DPH6: variants seen among roughly 807,000 people sequenced by gnomAD.
DPH6 encodes diphthine--ammonia ligase.
A neutral mutation model predicts 38.2 loss-of-function variants in DPH6; 33 were observed. The observed-to-expected ratio is 0.86, with a 90% confidence interval of 0.65 to 1.15. The LOEUF (loss-of-function observed/expected upper bound fraction) is 1.15, where lower values mean the gene tolerates loss of function less well. DPH6 is among the 50% of genes most tolerant of loss of function. The pLI is 0.00. For missense variants in DPH6, 325 were observed against 320.0 expected (o/e 1.02, Z -0.12); for synonymous variants, 108 against 103.0 (o/e 1.05, Z -0.30).
At position 35,263,993 on chromosome 15, in the gene DPH6, G is replaced by T. The variant is rs537769255; in HGVS notation, n.201-43411C>A. 9.2e-5 allele frequency among the ~76,000 whole-genome samples: 14 copies of T among 152,098 alleles called. No individual in the cohort carries two copies. In the East Asian group the frequency reaches 2.7e-3, roughly 29 times the overall value. ...CTCACAAAGTGCTAGGATTACAGGC[G>T]TGAGCCACCGCGCCCAACATAGTTT... On this transcript the variant is annotated intron_variant and non_coding_transcript_variant, in intron 3 of 3. Transcript: ENST00000560386.
chr15:35,209,521 A>C, the DPH6 span, among the ~76,000 whole-genome samples: 1 of 152,192 alleles, frequency 6.6e-6, no homozygotes, highest in South Asian at 2.1e-4. Context: ...GTCCTTTTTA[A>C]ATGTTCTTGG....
chr15:35,270,797 A>T (rs1178882830), intron 3 of DPH6, among the ~76,000 whole-genome samples: 2 of 152,270 alleles, frequency 1.3e-5, no homozygotes, highest in African/African-American at 2.4e-5. Flanking sequence ...AAATGAGAAG[A>T]AAGCCAATTG....
At chr15:35,272,720 C>A (rs1489586544) in intron 3 of DPH6, among the ~76,000 whole-genome samples, 1 of 151,988 alleles carries the variant, frequency 6.6e-6, no homozygotes, top group African/African-American at 2.4e-5. Flanking sequence ...ACCAGCCTGG[C>A]CAACATGGTG....
chr15:35,533,015 G>T (rs144198937), intron 3 of DPH6, among the ~76,000 whole-genome samples: 1 of 151,852 alleles, frequency 6.6e-6, no homozygotes, highest in Non-Finnish European at 1.5e-5. Flanking sequence ...GCTGAAGCAG[G>T]AGAATTGCTT....
intron 3 of DPH6, among the ~76,000 whole-genome samples, chr15:35,531,910 C>A (rs945273543): frequency 6.6e-6 from 1 of 152,130 alleles, no homozygotes; most frequent in Non-Finnish European, 1.5e-5. Flanking sequence ...TGAGGTCTCA[C>A]AATCTAGCAA....
chr15:35,483,981 T>C (rs1285000005), intron 3 of DPH6, among the ~76,000 whole-genome samples: 1 of 152,080 alleles, frequency 6.6e-6, no homozygotes, highest in African/African-American at 2.4e-5. Context: ...AAGAAGCAAA[T>C]CTACAGACTT....
chr15:35,544,345 G>A (rs2055310149), intron 1 of DPH6, among the ~76,000 whole-genome samples: 1 of 150,260 alleles, frequency 6.7e-6, no homozygotes, highest in African/African-American at 2.4e-5. Flanking sequence ...ACACACTGGG[G>A]CCTGTGGGGG....
At chr15:35,149,900 T>C in the DPH6 span, among the ~76,000 whole-genome samples, 1 of 152,322 alleles carries the variant, frequency 6.6e-6, no homozygotes, top group African/African-American at 2.4e-5. Flanking sequence ...TCTCTAAAGC[T>C]AGGGTCTTCT....
At chr15:35,423,409 G>A (rs966180401) in intron 5 of DPH6, among the ~76,000 whole-genome samples, 1 of 151,610 alleles carries the variant, frequency 6.6e-6, no homozygotes, top group African/African-American at 2.4e-5. Context: ...TTTTTGCTAT[G>A]AAGTTGCATG....
In DPH6 at chr15:35,245,195, G is replaced by A. The variant is rs550141567; in HGVS notation, n.201-24613C>T. On this transcript the variant is annotated intron_variant and non_coding_transcript_variant, in intron 3 of 3. Coordinates refer to the DPH6 transcript ENST00000560386. ...TCTCTAATACGTATGTAGTTTAGGG[G>A]CAAACATTTATAAATATTTCTGGGT... 7.3e-5 allele frequency among the ~76,000 whole-genome samples: 11 copies of A among 150,438 alleles called. No individual in the cohort carries two copies. In the South Asian group the frequency reaches 1.9e-3, roughly 26 times the overall value.
At chr15:35,448,592 G>A (rs1035601063) in intron 5 of DPH6, among the ~76,000 whole-genome samples, 14 of 152,204 alleles carry the variant, frequency 9.2e-5, no homozygotes, top group African/African-American at 2.9e-4. Flanking sequence ...TGACCACTTC[G>A]TGGCAGCACT....
At chr15:35,444,192 A>T (rs1339620278) in intron 5 of DPH6, among the ~76,000 whole-genome samples, 1 of 152,198 alleles carries the variant, frequency 6.6e-6, no homozygotes, top group Non-Finnish European at 1.5e-5. Context: ...ATTGTTCAAT[A>T]AATTCGGGAT....
At chr15:35,362,395 T>G (rs1265194522) in intron 3 of DPH6, among the ~76,000 whole-genome samples, 1 of 152,170 alleles carries the variant, frequency 6.6e-6, no homozygotes, top group East Asian at 1.9e-4. Context: ...GACACTTGGG[T>G]AGCCATCTGA....
intron 3 of DPH6, among the ~76,000 whole-genome samples, chr15:35,282,420 C>A (rs2051905208): frequency 6.6e-6 from 1 of 152,174 alleles, no homozygotes; most frequent in Admixed American, 6.5e-5. Context: ...CTCAAGCGAT[C>A]CTCCCACCTT....
chr15:35,229,744 G>A (rs533954096), intron 3 of DPH6, among the ~76,000 whole-genome samples: 1 of 152,290 alleles, frequency 6.6e-6, no homozygotes, highest in Non-Finnish European at 1.5e-5. Flanking sequence ...ACCTGTATCT[G>A]CTTTTTGGCA....
At chr15:35,287,481 T>C (rs1335343944) in intron 3 of DPH6, among the ~76,000 whole-genome samples, 1 of 152,196 alleles carries the variant, frequency 6.6e-6, no homozygotes, top group Non-Finnish European at 1.5e-5. Flanking sequence ...CTTGTAATTG[T>C]AGGGCATTAT....
At chr15:35,189,554 C>T in the DPH6 span, among the ~76,000 whole-genome samples, 1 of 152,190 alleles carries the variant, frequency 6.6e-6, no homozygotes, top group East Asian at 1.9e-4. Context: ...ATTCTCTCTC[C>T]CTGTTTTCAC....
chr15:35,260,847 C>T (rs934947211), intron 3 of DPH6, among the ~76,000 whole-genome samples: 1 of 152,128 alleles, frequency 6.6e-6, no homozygotes, highest in Non-Finnish European at 1.5e-5. Context: ...TCCAGATGTA[C>T]TGGGCCTAAG....
At chr15:35,258,851 T>C (rs539282724) in intron 3 of DPH6, among the ~76,000 whole-genome samples, 10 of 152,212 alleles carry the variant, frequency 6.6e-5, no homozygotes, top group Admixed American at 6.5e-4. Flanking sequence ...ATCTTCTCCT[T>C]AAGATTCCTA....
Sources: allele counts gnomAD v4.1 joint callset (sites outside exome capture counted in the v4.1 genomes callset), GRCh38; gene constraint gnomAD v4.1.1; transcripts MANE v1.5; gene names NCBI Gene and HGNC (gene_info 2026-07-23, HGNC 2026-07-21).